Variants in SORCS1 observed in about 807,000 individuals in gnomAD.
The protein encoded by SORCS1 is sortilin related VPS10 domain containing receptor 1.
A neutral mutation model predicts 146.1 loss-of-function variants in SORCS1; 60 were observed. The ratio of observed to expected loss-of-function variants is 0.41; its 90% CI spans 0.33 to 0.51. The LOEUF is 0.51. Among genes scored for constraint, SORCS1 ranks in the 20% least tolerant of loss-of-function variants. SORCS1 has a pLI of 0.21. For synonymous variants in SORCS1, 637 were observed against 584.0 expected (o/e 1.09, Z -1.31); for missense variants, 1,352 against 1,487.6 (o/e 0.91, Z 1.50).
chr10:106,578,521 T>C (rs1272800720), intron 25 of SORCS1: 1 of 319,718 alleles, frequency 3.1e-6, no homozygotes, highest in Non-Finnish European at 4.5e-6. Context: ...TCCTCAATCT[T>C]AGGTTCCAAA....
rs541240969 is a variant in SORCS1 at position 106,923,243 on chromosome 10, A to G, written c.626+33270T>C. Among the ~76,000 whole-genome samples the G allele has an allele frequency of 9.9e-5, 15 of 152,266 alleles. No individual in the cohort carries two copies. The South Asian group carries it at 2.7e-3, about 27-fold the overall frequency. ...TTTTATCTTTTCCAGAATGTCATGT[A>G]TTTGGAGTCATAGATAATGCAGCCC... On this transcript the variant is annotated intron_variant, in intron 2 of 25. Transcript: ENST00000263054.
chr10:106,919,924 C>T (rs1477961133), intron 2 of SORCS1, among the ~76,000 whole-genome samples: 4 of 152,150 alleles, frequency 2.6e-5, no homozygotes, highest in Non-Finnish European at 5.9e-5. Context: ...GCTTGAGTTT[C>T]ACAATATACC....
Position 106,740,958 on chromosome 10 carries a change from T to C in SORCS1, c.960-10844A>G, listed in dbSNP as rs142500196. On this transcript the variant is annotated intron_variant, in intron 5 of 25. Coordinates refer to ENST00000263054, the MANE Select transcript of SORCS1 (RefSeq NM_052918.5). ...TCTATACACCACCTGTAAAAAAGAG[T>C]AGAGATAATAGTACCGAATAATACG... Among the ~76,000 whole-genome samples, 32 of 152,116 alleles carry C rather than the reference T, an allele frequency of 2.1e-4. 1 individual carries two copies. Among genetic ancestry groups the C allele is most frequent in the African/African-American group, 7.5e-4 (31 of 41,470 alleles).
At chr10:106,937,172 A>AC (rs372635023) in intron 2 of SORCS1, among the ~76,000 whole-genome samples, 1 of 143,110 alleles carries the variant, frequency 7.0e-6, no homozygotes, top group African/African-American at 2.6e-5. Context: ...AGAAGATCTG[A>AC]TTTTTTTTTT....
At chr10:106,751,046 G>A (rs1858172002) in intron 5 of SORCS1, among the ~76,000 whole-genome samples, 2 of 92,248 alleles carry the variant, frequency 2.2e-5, no homozygotes, top group South Asian at 4.0e-4. Flanking sequence ...GCGACAGGGT[G>A]AGACTCCGTC....
chr10:106,784,171 G>A lies in SORCS1; in HGVS notation c.727-7479C>T, dbSNP rs183179179. ...AGCACTTTGGGAGGCCGAGGCAGGC[G>A]GATCATGAGGTCAGGAAATCGAGAC... On this transcript the variant is annotated intron_variant, in intron 3 of 25. Coordinates refer to ENST00000263054, the MANE Select transcript of SORCS1 (RefSeq NM_052918.5). Among the ~76,000 whole-genome samples, 118 of 152,184 alleles carry A rather than the reference G, an allele frequency of 7.8e-4. No homozygotes were observed. In the Middle Eastern group the frequency reaches 0.01, roughly 13 times the overall value.
chr10:106,613,533 G>A (rs1249149788), intron 21 of SORCS1, among the ~76,000 whole-genome samples: 1 of 152,154 alleles, frequency 6.6e-6, no homozygotes, highest in Non-Finnish European at 1.5e-5. Flanking sequence ...GGAAGGTGGA[G>A]CCCTAGCCCT....
At chr10:106,883,914 C>T (rs995020876) in intron 2 of SORCS1, among the ~76,000 whole-genome samples, 1 of 152,132 alleles carries the variant, frequency 6.6e-6, no homozygotes, top group East Asian at 1.9e-4. Flanking sequence ...ATCTGCAGTC[C>T]GGTACAGTCT....
In SORCS1 at chr10:106,574,794, C is replaced by T. The variant is rs538047962; in HGVS notation, c.*2626G>A. Reference sequence around the variant, plus strand: ...AGCAGCACCTTGCCTCACTAATCTCCTACAGATGGGAGGGAGCTTTGAGGA... The same window carrying T: ...AGCAGCACCTTGCCTCACTAATCTCTTACAGATGGGAGGGAGCTTTGAGGA... On this transcript the variant is annotated 3_prime_UTR_variant, in exon 26 of 26. Coordinates refer to ENST00000263054, the MANE Select transcript of SORCS1 (RefSeq NM_052918.5). 9 of 152,534 alleles carry T rather than the reference C, an allele frequency of 5.9e-5. No individual in the cohort carries two copies. Among genetic ancestry groups the T allele is most frequent in the African/African-American group, 2.2e-4 (9 of 41,548 alleles). 9.4% of individuals were successfully genotyped at this position (152,534 alleles called of 1,614,324 possible).
intron 1 of SORCS1, among the ~76,000 whole-genome samples, chr10:107,068,809 G>T (rs1203126558): frequency 1.3e-5 from 2 of 150,552 alleles, no homozygotes; most frequent in African/African-American, 4.9e-5. Context: ...GGCAGAGCTT[G>T]CAGTGAGAAG....
intron 17 of SORCS1, among the ~76,000 whole-genome samples, chr10:106,660,801 G>A (rs1184601010): frequency 1.3e-5 from 2 of 150,690 alleles, no homozygotes; most frequent in Non-Finnish European, 2.9e-5. Context: ...ACCCTGAAGA[G>A]CAGTAAGAAC....
chr10:106,968,090 G>C (rs1955591107), intron 1 of SORCS1, among the ~76,000 whole-genome samples: 1 of 151,660 alleles, frequency 6.6e-6, no homozygotes, highest in Admixed American at 6.6e-5. Context: ...GGTGCCTGTA[G>C]TCCCAGTTAC....
chr10:106,872,454 C>A (rs1465522069), intron 2 of SORCS1, among the ~76,000 whole-genome samples: 1 of 152,200 alleles, frequency 6.6e-6, no homozygotes, highest in Non-Finnish European at 1.5e-5. Flanking sequence ...ATAAGCCTTG[C>A]AGACCATGTG....
At chr10:106,854,276 C>G (rs1472296128) in intron 2 of SORCS1, among the ~76,000 whole-genome samples, 1 of 151,988 alleles carries the variant, frequency 6.6e-6, no homozygotes, top group Non-Finnish European at 1.5e-5. Context: ...ACTCCAAAGA[C>G]CTTCTAATTA....
intron 1 of SORCS1, among the ~76,000 whole-genome samples, chr10:106,977,558 T>C (rs1449167452): frequency 6.6e-6 from 1 of 152,004 alleles, no homozygotes; most frequent in South Asian, 2.1e-4. Flanking sequence ...AAATTACTTC[T>C]ATTATTTGTT....
chr10:106,844,254 C>T (rs931357416), intron 2 of SORCS1, among the ~76,000 whole-genome samples: 1 of 151,998 alleles, frequency 6.6e-6, no homozygotes, highest in African/African-American at 2.4e-5. Flanking sequence ...TTGCTATTTA[C>T]TTGTATAAGT....
At chr10:106,879,431 A>T (rs2137697393) in intron 2 of SORCS1, among the ~76,000 whole-genome samples, 1 of 152,328 alleles carries the variant, frequency 6.6e-6, no homozygotes, top group African/African-American at 2.4e-5. Flanking sequence ...AGTTATTTTT[A>T]ACCACATGTG....
Position 106,618,220 on chromosome 10 carries a change from A to C in SORCS1, c.2849T>G (p.Met950Arg). ...TGAGACCTGCACTGTGATGGTATTCATTCCTTCTGAAGTAAATCTGAAGGA... is the reference window on the plus strand; with the variant it reads ...TGAGACCTGCACTGTGATGGTATTCCTTCCTTCTGAAGTAAATCTGAAGGA... ...SISFRFTSEG[M>R]NTITVQVSAG... is the part of the protein sequence containing the mutation. Residue 950 changes from methionine to arginine, a missense_variant, in exon 21 of 26, where the codon ATG (methionine) becomes AGG (arginine). By Grantham distance (91) the Met-to-Arg change is moderately conservative (BLOSUM62 -1). Around this residue, in one of 3 missense-constraint regions of SORCS1, gnomAD observed 648 missense variants for 793.8 expected, o/e 0.82. Coordinates refer to ENST00000263054, the MANE Select transcript of SORCS1 (RefSeq NM_052918.5). 1 of 1,614,090 alleles carries C rather than the reference A, an allele frequency of 6.2e-7. No individual in the cohort carries two copies. Among genetic ancestry groups the C allele is most frequent in the South Asian group, 1.1e-5 (1 of 91,082 alleles).
intron 23 of SORCS1, among the ~76,000 whole-genome samples, chr10:106,602,127 T>C (rs979094400): frequency 6.6e-6 from 1 of 152,166 alleles, no homozygotes; most frequent in Non-Finnish European, 1.5e-5. Flanking sequence ...ATAGAACACA[T>C]AACCCAAATA....
Sources: allele counts gnomAD v4.1 joint callset (sites outside exome capture counted in the v4.1 genomes callset), GRCh38; gene constraint gnomAD v4.1.1; regional missense constraint gnomAD v4.1.1; transcripts MANE v1.5; gene names NCBI Gene and HGNC (gene_info 2026-07-23, HGNC 2026-07-21).